The following FIGLA variants were observed in gnomAD, a reference collection of about 807,000 sequenced individuals.
FIGLA encodes folliculogenesis specific bHLH transcription factor.
A neutral mutation model predicts 21.5 loss-of-function variants in FIGLA; 17 were observed. The ratio of observed to expected loss-of-function variants is 0.79; its 90% confidence interval spans 0.54 to 1.19. FIGLA has a LOEUF of 1.19. Among genes scored for constraint, FIGLA ranks in the 50% most tolerant of loss-of-function variants. The probability of loss-of-function intolerance (pLI) is 0.00; values close to 1 mark genes in which losing one functional copy is unlikely to be tolerated. For missense variants in FIGLA, 282 were observed against 285.0 expected (o/e 0.99, Z 0.08); for synonymous variants, 129 against 117.6 (o/e 1.10, Z -0.63).
chr2:70,777,750 A>C, intron 3 of FIGLA, 79 bp from the exon 4 acceptor site: 1 of 699,898 alleles, frequency 1.4e-6, no homozygotes, highest in Non-Finnish European at 2.4e-6. Flanking sequence ...AAAACTGAGA[A>C]CATAGTGGCC....
At chr2:70,785,678 CAG>C in intron 2 of FIGLA, 39 bp from the exon 3 acceptor site, 2 of 1,500,142 alleles carry the variant, frequency 1.3e-6, no homozygotes, top group Non-Finnish European at 1.9e-6. Context: ...TATAATATGA[CAG>C]AAAGATTTTG....
At chr2:70,788,073 G>A (rs1675989760) in intron 1 of FIGLA, among the ~76,000 whole-genome samples, 1 of 152,228 alleles carries the variant, frequency 6.6e-6, no homozygotes, top group Non-Finnish European at 1.5e-5. Flanking sequence ...CATACCCGCT[G>A]TATCATAATG....
chr2:70,789,846 A>G (rs1275076667), intron 1 of FIGLA, among the ~76,000 whole-genome samples: 1 of 152,102 alleles, frequency 6.6e-6, no homozygotes, highest in Non-Finnish European at 1.5e-5. Context: ...ACTGGGAAAC[A>G]CTCACTTTAT....
intron 3 of FIGLA, among the ~76,000 whole-genome samples, chr2:70,782,614 G>A (rs190708548): frequency 4.6e-5 from 7 of 152,356 alleles, no homozygotes; most frequent in Admixed American, 3.3e-4. Flanking sequence ...TTGCATTGTG[G>A]CTATGCAGGG....
chr2:70,779,922 G>A (rs2024456), intron 3 of FIGLA, among the ~76,000 whole-genome samples: 4 of 151,986 alleles, frequency 2.6e-5, no homozygotes, highest in Admixed American at 1.3e-4. Flanking sequence ...ACAGCGAACA[G>A]CCTGCCATCT....
Position 70,790,537 on chromosome 2 carries a change from G to A in FIGLA, c.102C>T (p.Phe34=). ...EVLEDVLREQ[F]GPLPQLAAVC... is the part of the protein sequence containing the mutation. ...CAGCGGCCAGCTGGGGCAGCGGCCCGAACTGCTCCCGCAACACGTCCTCCA... is the reference window on the plus strand; with the variant it reads ...CAGCGGCCAGCTGGGGCAGCGGCCCAAACTGCTCCCGCAACACGTCCTCCA... The change falls in exon 1 of 5, where the codon TTC becomes TTT. Residue 34 remains phenylalanine, a synonymous_variant. Transcript: ENST00000332372. 1 of 1,536,460 alleles carries A rather than the reference G, an allele frequency of 6.5e-7. No homozygotes were observed. The highest frequency in any genetic ancestry group is 1.4e-5 in the African/African-American group (1 of 72,662).
At chr2:70,780,537 C>G (rs1187604762) in intron 3 of FIGLA, among the ~76,000 whole-genome samples, 1 of 152,116 alleles carries the variant, frequency 6.6e-6, no homozygotes, top group African/African-American at 2.4e-5. Context: ...TTCCTTGGAC[C>G]CTTTTTATCT....
At chr2:70,779,243 C>A (rs369901703) in intron 3 of FIGLA, among the ~76,000 whole-genome samples, 11 of 152,164 alleles carry the variant, frequency 7.2e-5, no homozygotes, top group African/African-American at 1.9e-4. Context: ...CCAGAAGGCA[C>A]CCACCCCATT....
intron 1 of FIGLA, 99 bp from the exon 2 acceptor site, chr2:70,787,900 G>A: frequency 7.9e-7 from 1 of 1,261,692 alleles, no homozygotes; most frequent in Non-Finnish European, 1.1e-6. Context: ...CTCCTTGTCT[G>A]AGTGGCAAAT....
Position 70,790,594 on chromosome 2 carries a change from G to C in FIGLA, c.45C>G (p.Pro15=). Residue 15 remains proline, a synonymous_variant, in exon 1 of 5, where the codon CCC becomes CCG. Transcript: ENST00000332372. ...CGGCTTGCGGGGTGCCCAGGAGCGC[G>C]GGCGGCGCGGCGCGGGGATCTAGGA... The part of the protein sequence containing the change: ...PGVLDPRAAP[P]ALLGTPQAEV... 6.8e-7 allele frequency: 1 copy of C among 1,479,446 alleles called. No individual in the cohort carries two copies. Among genetic ancestry groups the C allele is most frequent in the Middle Eastern group, 2.1e-4 (1 of 4,752 alleles). 91.6% of individuals were successfully genotyped at this position (1,479,446 alleles called of 1,614,324 possible). A position where few individuals can be genotyped will look rare whatever the true frequency, so the allele number is the denominator to read the frequency against.
rs148450622 is a variant in FIGLA, at chr2:70,785,925, G to T, written c.385-286C>A. Among the ~76,000 whole-genome samples, 106 of 152,278 alleles carry T rather than the reference G, an allele frequency of 7.0e-4. 4 individuals carry two copies. The East Asian group carries it at 0.019, about 28-fold the overall frequency. Reference sequence around the variant, plus strand: ...TCTGTTACACAATTGACATGCAAGAGAAAACTAAGGTAGCCACCTACACAT... The same window carrying T: ...TCTGTTACACAATTGACATGCAAGATAAAACTAAGGTAGCCACCTACACAT... On this transcript the variant is annotated intron_variant, in intron 2 of 4. Transcript: ENST00000332372.
chr2:70,778,388 T>C (rs1218013659), intron 3 of FIGLA, among the ~76,000 whole-genome samples: 1 of 152,150 alleles, frequency 6.6e-6, no homozygotes, highest in African/African-American at 2.4e-5. Context: ...TATGTATGAG[T>C]AGCTTTTTTT....
At chr2:70,785,312 T>C in intron 3 of FIGLA, 103 bp downstream of exon 3, 1 of 1,007,676 alleles carries the variant, frequency 9.9e-7, no homozygotes, top group South Asian at 1.6e-5. Context: ...CATTAAATTA[T>C]CTTGTTTTAA....
intron 3 of FIGLA, among the ~76,000 whole-genome samples, chr2:70,780,765 G>A (rs952070533): frequency 6.6e-6 from 1 of 152,072 alleles, no homozygotes; most frequent in Non-Finnish European, 1.5e-5. Context: ...TCATCAGTTG[G>A]GTCACAGTTA....
At chr2:70,780,977 A>T (rs1675845652) in intron 3 of FIGLA, among the ~76,000 whole-genome samples, 1 of 152,184 alleles carries the variant, frequency 6.6e-6, no homozygotes, top group African/African-American at 2.4e-5. Context: ...AAAGGAGTGG[A>T]GGCCTGGCCT....
At chr2:70,781,776 T>A (rs6546627) in intron 3 of FIGLA, among the ~76,000 whole-genome samples, 1 of 152,012 alleles carries the variant, frequency 6.6e-6, no homozygotes, top group African/African-American at 2.4e-5. Flanking sequence ...TCCAGGAGTT[T>A]GGAAGAATGG....
chr2:70,785,316 G>A (rs1675926399), intron 3 of FIGLA, 99 bp downstream of exon 3: 1 of 1,033,720 alleles, frequency 9.7e-7, no homozygotes, highest in African/African-American at 1.6e-5. Context: ...AAATTATCTT[G>A]TTTTAATCAT....
chr2:70,787,807 A>C lies in FIGLA; in HGVS notation c.232-6T>G, dbSNP rs1675983316. The C allele has an allele frequency of 1.2e-6, 2 of 1,611,714 alleles. No individual in the cohort carries two copies. The highest frequency in any genetic ancestry group is 2.7e-5 in the African/African-American group (2 of 74,870). On this transcript the variant is annotated splice_region_variant and splice_polypyrimidine_tract_variant and intron_variant, in intron 1 of 4. Coordinates refer to ENST00000332372, the MANE Select transcript of FIGLA (RefSeq NM_001004311.3). ...CCACGGTTGAGATTTTTTATCTAGAAAACAAAAAGGCACAGTAACACACAG... is the reference window on the plus strand; with the variant it reads ...CCACGGTTGAGATTTTTTATCTAGACAACAAAAAGGCACAGTAACACACAG...
In FIGLA at chr2:70,787,652, T is replaced by G. The variant is rs1553390223; in HGVS notation, c.381A>C (p.Ser127=). The G allele has an allele frequency of 6.4e-7, 1 of 1,562,846 alleles. No homozygotes were observed. The highest frequency in any genetic ancestry group is 1.9e-5 in the Admixed American group (1 of 51,992). Residue 127 remains serine, a synonymous_variant, in exon 2 of 5, where the codon TCA becomes TCC. Coordinates refer to ENST00000332372, the MANE Select transcript of FIGLA (RefSeq NM_001004311.3). The part of the protein sequence containing the change: ...LSDLLEGAKD[S]KKQDPDEQSY... ...TTCTAAAATCTTACACCTTTACCTT[T>G]GAGTCTTTGGCTCCTTCCAAAAGAT...
Sources: allele counts gnomAD v4.1 joint callset (sites outside exome capture counted in the v4.1 genomes callset), GRCh38; gene constraint gnomAD v4.1.1; transcripts MANE v1.5; gene names NCBI Gene and HGNC (gene_info 2026-07-23, HGNC 2026-07-21).